TAX1BP1: variants seen among roughly 807,000 people sequenced by gnomAD.
TAX1BP1 encodes the protein Tax1 binding protein 1.
In TAX1BP1, 62 loss-of-function variants were observed where a neutral mutation model predicts 97.7. The ratio of observed to expected loss-of-function variants is 0.63; its 90% CI spans 0.52 to 0.78. TAX1BP1 has a LOEUF of 0.78. Ranked by LOEUF, TAX1BP1 falls within the 30% of genes least tolerant of loss-of-function variation. The pLI, the probability that TAX1BP1 is intolerant of heterozygous loss-of-function variation, is 0.00. For missense variants in TAX1BP1, 867 were observed against 916.1 expected (o/e 0.95, Z 0.69); for synonymous variants, 340 against 304.2 (o/e 1.12, Z -1.23).
intron 15 of TAX1BP1, among the ~76,000 whole-genome samples, chr7:27,826,449 C>G (rs572563533): frequency 6.6e-6 from 1 of 152,054 alleles, no homozygotes; most frequent in Non-Finnish European, 1.5e-5. Context: ...TTTTGGTGCT[C>G]CTTCCCATGA....
At chr7:27,749,907 G>A (rs62449639) in intron 2 of TAX1BP1, among the ~76,000 whole-genome samples, 35,879 of 151,930 alleles carry the variant, frequency 0.24, 5,131 homozygotes, top group East Asian at 0.52. Context: ...TCCTTTCCCC[G>A]CAGCCTTCCA....
chr7:27,797,841 G>C (rs1007486176), intron 12 of TAX1BP1, among the ~76,000 whole-genome samples: 9 of 144,874 alleles, frequency 6.2e-5, no homozygotes, highest in Admixed American at 6.2e-4. Context: ...CTTCCTCAGG[G>C]TGCTTTTTTT....
chr7:27,786,823 T>C (rs1789503032), intron 7 of TAX1BP1, among the ~76,000 whole-genome samples: 1 of 152,216 alleles, frequency 6.6e-6, no homozygotes. Context: ...TACTTGATAG[T>C]GTACACTACA....
At chr7:27,781,998 G>T (rs936523805) in intron 5 of TAX1BP1, among the ~76,000 whole-genome samples, 2 of 151,940 alleles carry the variant, frequency 1.3e-5, no homozygotes, top group Non-Finnish European at 2.9e-5. Flanking sequence ...TTACAGACAT[G>T]AGCCACCGCA....
chr7:27,787,095 T>G (rs1215694038), intron 7 of TAX1BP1, among the ~76,000 whole-genome samples: 2 of 152,180 alleles, frequency 1.3e-5, no homozygotes, highest in African/African-American at 4.8e-5. Context: ...ATAATTTGTT[T>G]CCCCAAAAGA....
intron 5 of TAX1BP1, among the ~76,000 whole-genome samples, chr7:27,779,441 A>G (rs986387997): frequency 6.6e-6 from 1 of 152,190 alleles, no homozygotes; most frequent in Non-Finnish European, 1.5e-5. Flanking sequence ...CAGTGTTTGA[A>G]CTAGCTTTGT....
At chr7:27,768,831 A>C (rs939745686) in intron 4 of TAX1BP1, among the ~76,000 whole-genome samples, 1 of 151,986 alleles carries the variant, frequency 6.6e-6, no homozygotes, top group Non-Finnish European at 1.5e-5. Flanking sequence ...GAATTTAATC[A>C]GTTTGATTTC....
In TAX1BP1 at chr7:27,792,169, T is replaced by C; in HGVS notation, c.1202T>C (p.Val401Ala). 1 of 1,613,756 alleles carries C rather than the reference T, an allele frequency of 6.2e-7. No homozygotes were observed. Among genetic ancestry groups the C allele is most frequent in the Non-Finnish European group, 8.5e-7 (1 of 1,179,982 alleles). Residue 401 changes from valine to alanine, a missense_variant, in exon 9 of 17, where the codon GTG becomes GCG. Around this residue, in one of 3 missense-constraint regions of TAX1BP1, gnomAD observed 822 missense variants for 851.4 expected, o/e 0.97. Transcript: ENST00000396319. The part of the protein sequence containing the change: ...LHTARLENEK[V>A]KKQLADAVAE... ...ACTGCACGCTTGGAAAACGAGAAAG[T>C]GAAAAAGCAGTTAGCTGATGCAGTG... is the stretch of plus-strand genomic sequence containing the variant.
intron 4 of TAX1BP1, among the ~76,000 whole-genome samples, chr7:27,768,002 T>A (rs775828808): frequency 7.9e-5 from 12 of 152,002 alleles, no homozygotes; most frequent in Non-Finnish European, 1.3e-4. Context: ...TAGTGAGACA[T>A]AATTTTGCAA....
Position 27,790,384 on chromosome 7 carries a change from G to C in TAX1BP1, c.1039-1622G>C, listed in dbSNP as rs147697049. On this transcript the variant is annotated intron_variant, in intron 8 of 16. Transcript: ENST00000396319. ...CAATATGTAGGCACATTTATAATCC[G>C]TAGAATAAGTTCTTTCAAGTGGAAT... Among the ~76,000 whole-genome samples, 11 of 151,776 alleles carry C rather than the reference G, an allele frequency of 7.2e-5. No individual in the cohort carries two copies. The East Asian group carries it at 2.1e-3, about 29-fold the overall frequency.
intron 12 of TAX1BP1, 42 bp from the exon 13 acceptor site, chr7:27,799,923 A>G (rs972148366): frequency 1.3e-6 from 2 of 1,511,474 alleles, no homozygotes; most frequent in African/African-American, 1.4e-5. Context: ...TTCACTCTAC[A>G]TGAATTTAAA....
At chr7:27,785,511 C>G (rs781544436) in intron 7 of TAX1BP1, 22 bp downstream of exon 7, 14 of 1,570,882 alleles carry the variant, frequency 8.9e-6, no homozygotes, top group Admixed American at 1.8e-5. Context: ...TTTACCATAT[C>G]TATTGCCTGT....
intron 1 of TAX1BP1, among the ~76,000 whole-genome samples, chr7:27,744,842 A>G (rs986537866): frequency 2.6e-5 from 4 of 151,566 alleles, no homozygotes; most frequent in African/African-American, 9.8e-5. Context: ...TATCTTTTTT[A>G]TAGACATTAA....
rs547272846 is a variant in TAX1BP1 at position 27,777,871 on chromosome 7, A to G, written c.613-7292A>G. On this transcript the variant is annotated intron_variant, in intron 5 of 16. Coordinates refer to ENST00000396319, the MANE Select transcript of TAX1BP1 (RefSeq NM_006024.7). ...TCACTGACCTTTTATCCTGATGTCC[A>G]GTGGCTTGAGAGCTGTTCTTCATTC... Among the ~76,000 whole-genome samples, 3 of 152,276 alleles carry G rather than the reference A, an allele frequency of 2.0e-5. No individual in the cohort carries two copies. In the East Asian group the frequency reaches 5.8e-4, roughly 29 times the overall value.
intron 3 of TAX1BP1, among the ~76,000 whole-genome samples, chr7:27,765,126 C>A (rs924426570): frequency 2.7e-5 from 4 of 146,206 alleles, no homozygotes; most frequent in Non-Finnish European, 4.5e-5. Flanking sequence ...AGCGATCCTC[C>A]CGCTTCAGCC....
chr7:27,745,678 C>G (rs1429932201), intron 1 of TAX1BP1, among the ~76,000 whole-genome samples: 2 of 151,924 alleles, frequency 1.3e-5, no homozygotes, highest in African/African-American at 4.8e-5. Context: ...ATTGTGAATA[C>G]TATATTTTAA....
At chr7:27,803,074 T>C (rs892300114) in intron 13 of TAX1BP1, 22 of 1,530,208 alleles carry the variant, frequency 1.4e-5, no homozygotes, top group Non-Finnish European at 1.9e-5. Flanking sequence ...AGTAGGTAAA[T>C]GAAAAAAAAT....
intron 2 of TAX1BP1, among the ~76,000 whole-genome samples, chr7:27,753,401 G>T (rs1788094199): frequency 6.6e-6 from 1 of 152,178 alleles, no homozygotes; most frequent in Admixed American, 6.5e-5. Flanking sequence ...TTTGAGTTTT[G>T]TTCCGTTTTG....
At chr7:27,814,330 T>C in intron 13 of TAX1BP1, among the ~76,000 whole-genome samples, 1 of 152,196 alleles carries the variant, frequency 6.6e-6, no homozygotes, top group Non-Finnish European at 1.5e-5. Context: ...CAGCCTGTTC[T>C]GCTTTTTACA....
Sources: gnomAD v4.1 joint callset for allele counts (sites outside exome capture counted in the v4.1 genomes callset) on GRCh38, gnomAD v4.1.1 for gene constraint, gnomAD v4.1.1 regional missense constraint, MANE v1.5 for transcripts, NCBI Gene and HGNC (gene_info 2026-07-23, HGNC 2026-07-21) for gene names.